GABRG3: variants seen among roughly 807,000 people sequenced by gnomAD.
GABRG3 encodes gamma-aminobutyric acid receptor subunit gamma-3.
A neutral mutation model predicts 48.8 loss-of-function variants in GABRG3; 25 were observed. The ratio of observed to expected loss-of-function variants is 0.51; its 90% CI spans 0.37 to 0.72. The LOEUF (loss-of-function observed/expected upper bound fraction) is 0.72. Ranked by LOEUF, GABRG3 falls within the 30% of genes least tolerant of loss-of-function variation. The probability of loss-of-function intolerance (pLI) is 0.00; values close to 1 mark genes in which losing one functional copy is unlikely to be tolerated. For synonymous variants in GABRG3, 227 were observed against 217.6 expected, an observed-to-expected ratio of 1.04 and a Z score of -0.38; for missense variants, 394 against 577.9, an observed-to-expected ratio of 0.68 and a Z score of 3.26.
intron 2 of GABRG3, among the ~76,000 whole-genome samples, chr15:27,020,777 G>A (rs1338415320): frequency 4.6e-5 from 7 of 152,028 alleles, no homozygotes; most frequent in Non-Finnish European, 8.8e-5. Flanking sequence ...TTGCTCTCGC[G>A]ATGTCACTCT....
intron 2 of GABRG3, among the ~76,000 whole-genome samples, chr15:27,003,733 T>G (rs1159826904): frequency 1.3e-5 from 2 of 152,080 alleles, no homozygotes; most frequent in African/African-American, 4.8e-5. Flanking sequence ...CAATGAGCTG[T>G]TGGGTACACC....
At chr15:27,121,141 G>C (rs1033770724) in intron 3 of GABRG3, among the ~76,000 whole-genome samples, 1 of 152,104 alleles carries the variant, frequency 6.6e-6, no homozygotes, top group Non-Finnish European at 1.5e-5. Flanking sequence ...GTAGCTTATG[G>C]GTCTGGTGCA....
At chr15:26,978,732 T>TATA (rs1228714937) in intron 2 of GABRG3, among the ~76,000 whole-genome samples, 1 of 152,214 alleles carries the variant, frequency 6.6e-6, no homozygotes, top group Non-Finnish European at 1.5e-5. Context: ...ACCATAGCTG[T>TATA]ATAATAAATC....
chr15:27,307,074 A>G (rs1243873901), intron 3 of GABRG3, among the ~76,000 whole-genome samples: 1 of 128,444 alleles, frequency 7.8e-6, no homozygotes, highest in South Asian at 2.4e-4. Context: ...TATAATATAA[A>G]CATGTTTATA....
At chr15:27,308,228 TTATATATCCAAACATATATAAACATACG>T (rs1892781674) in intron 3 of GABRG3, among the ~76,000 whole-genome samples, 1 of 134,904 alleles carries the variant, frequency 7.4e-6, no homozygotes, top group Non-Finnish European at 1.6e-5. Context: ...ATAAACATGT[TTATATATCCAAACATATATAAACATACG>T]TTTATATATA....
chr15:27,388,152 A>G (rs1896034055), intron 5 of GABRG3, among the ~76,000 whole-genome samples: 1 of 70,620 alleles, frequency 1.4e-5, no homozygotes, highest in African/African-American at 8.6e-5. Context: ...GTAAGGAAGG[A>G]AGGAAGAAAG....
rs537364013 is a variant in GABRG3, at chr15:27,366,369, G to C, written c.574+37481G>C. ...AAGACATATTCCCTAAAGCTCTTGG[G>C]TGAAAATAATAAAAGGAAAAGGAAT... On this transcript the variant is annotated intron_variant, in intron 5 of 9. Coordinates refer to ENST00000615808, the MANE Select transcript of GABRG3 (RefSeq NM_033223.5). 4.6e-5 allele frequency: 7 copies of C among 152,276 alleles called. No individual in the cohort carries two copies. The East Asian group carries it at 1.4e-3, about 29-fold the overall frequency. The allele number at this position is 152,276 out of a possible 1,614,324, so 9.4% of individuals were successfully genotyped here.
intron 5 of GABRG3, among the ~76,000 whole-genome samples, chr15:27,340,163 G>C (rs1894119945): frequency 6.6e-6 from 1 of 152,172 alleles, no homozygotes; most frequent in Non-Finnish European, 1.5e-5. Context: ...AGGTGAAGGT[G>C]TTATAGATTC....
rs754527604 is a variant in GABRG3 at position 27,465,747 on chromosome 15, A to C, written c.575-14903A>C. 2.6e-5 allele frequency among the ~76,000 whole-genome samples: 4 copies of C among 152,202 alleles called. No individual in the cohort carries two copies. The East Asian group carries it at 7.7e-4, about 29-fold the overall frequency. ...TCTAGGTAGTCTCTTTCAATGGCTCATACCAAATCTCTCTGGAAAAGACAT... is the reference window on the plus strand; with the variant it reads ...TCTAGGTAGTCTCTTTCAATGGCTCCTACCAAATCTCTCTGGAAAAGACAT... On this transcript the variant is annotated intron_variant, in intron 5 of 9. Transcript: ENST00000615808.
rs139144447 is a variant in GABRG3, at chr15:27,198,759, A to G, written c.271-128050A>G. ...TTGGAACCAACCCAAATGCCCATCA[A>G]TGATAGACTGGATAAAGAAAATGTG... is the stretch of plus-strand genomic sequence containing the variant. On this transcript the variant is annotated intron_variant, in intron 3 of 9. Transcript: ENST00000615808. Among the ~76,000 whole-genome samples, 106 of 152,336 alleles carry G rather than the reference A, an allele frequency of 7.0e-4. 1 individual carries two copies. The highest frequency in any genetic ancestry group is 2.4e-3 in the African/African-American group (98 of 41,586).
At chr15:27,119,674 C>T (rs1376840387) in intron 3 of GABRG3, among the ~76,000 whole-genome samples, 2 of 152,296 alleles carry the variant, frequency 1.3e-5, no homozygotes, top group East Asian at 3.9e-4. Context: ...GTGCTTCACT[C>T]AGGTCATTCA....
At chr15:27,387,918 AGGAG>A (rs200870176) in intron 5 of GABRG3, among the ~76,000 whole-genome samples, 6 of 36,754 alleles carry the variant, frequency 1.6e-4, no homozygotes, top group South Asian at 4.2e-3. Flanking sequence ...GAAGGAGGGA[AGGAG>A]GGAGGGAGGG....
intron 3 of GABRG3, among the ~76,000 whole-genome samples, chr15:27,315,667 C>T (rs1200204717): frequency 6.6e-6 from 1 of 152,174 alleles, no homozygotes; most frequent in East Asian, 1.9e-4. Flanking sequence ...TTTTTATTCA[C>T]ATTATGAATA....
At chr15:27,489,022 T>A (rs1008377345) in intron 6 of GABRG3, among the ~76,000 whole-genome samples, 59 of 151,988 alleles carry the variant, frequency 3.9e-4, no homozygotes, top group African/African-American at 1.4e-3. Flanking sequence ...AATGCTATCC[T>A]CCCCCATCCC....
intron 3 of GABRG3, among the ~76,000 whole-genome samples, chr15:27,147,467 A>G (rs1231278485): frequency 1.3e-5 from 2 of 152,050 alleles, no homozygotes; most frequent in African/African-American, 4.8e-5. Context: ...ACTAGACCTA[A>G]CAGACATCTG....
chr15:27,253,348 G>A (rs1890519549), intron 3 of GABRG3, among the ~76,000 whole-genome samples: 1 of 152,200 alleles, frequency 6.6e-6, no homozygotes, highest in Non-Finnish European at 1.5e-5. Flanking sequence ...GGATTGCAGG[G>A]TCATGGTGGC....
chr15:27,533,059 C>T lies in GABRG3; in HGVS notation c.*178C>T, dbSNP rs1341673631. The T allele has an allele frequency of 1.2e-5, 7 of 594,996 alleles. No individual in the cohort carries two copies. Among genetic ancestry groups the T allele is most frequent in the East Asian group, 1.1e-4 (4 of 35,452 alleles). The allele number at this position is 594,996 out of a possible 1,614,324, so 36.9% of individuals were successfully genotyped here. A position where few individuals can be genotyped will look rare whatever the true frequency, so the allele number is the denominator to read the frequency against. ...GCAAAGGTTTCTATTATGTATTTTA[C>T]ACACACACATACATACACACACACA... On this transcript the variant is annotated 3_prime_UTR_variant, in exon 10 of 10. Coordinates refer to ENST00000615808, the MANE Select transcript of GABRG3 (RefSeq NM_033223.5).
At chr15:27,356,212 A>C (rs371135642) in intron 5 of GABRG3, among the ~76,000 whole-genome samples, 3 of 152,310 alleles carry the variant, frequency 2.0e-5, no homozygotes, top group African/African-American at 7.2e-5. Context: ...TTTCCATGAT[A>C]ATTTCAAAAA....
At chr15:27,293,926 A>T (rs1295264575) in intron 3 of GABRG3, among the ~76,000 whole-genome samples, 1 of 152,212 alleles carries the variant, frequency 6.6e-6, no homozygotes, top group Non-Finnish European at 1.5e-5. Flanking sequence ...CATAAAAAGT[A>T]AAGATTATAA....
Sources: gnomAD v4.1 joint callset for allele counts (sites outside exome capture counted in the v4.1 genomes callset) on GRCh38, gnomAD v4.1.1 for gene constraint, MANE v1.5 for transcripts, NCBI Gene and HGNC (gene_info 2026-07-23, HGNC 2026-07-21) for gene names.